The following EPB41L4A variants were observed in gnomAD, a reference collection of about 807,000 sequenced individuals.
EPB41L4A encodes the protein band 4.1-like protein 4A.
In EPB41L4A, 100 loss-of-function variants were observed where a neutral mutation model predicts 108.6. The observed-to-expected ratio is 0.92, with a 90% CI of 0.78 to 1.09. EPB41L4A has a LOEUF of 1.09. Ranked by LOEUF, EPB41L4A falls within the 50% of genes least tolerant of loss-of-function variation. The probability of loss-of-function intolerance (pLI) is 0.00; values close to 1 mark genes in which losing one functional copy is unlikely to be tolerated. For missense variants in EPB41L4A, 1,030 were observed against 842.7 expected (o/e 1.22, Z -2.75); for synonymous variants, 319 against 289.0 (o/e 1.10, Z -1.05).
At chr5:112,180,353 C>A (rs1465287393) in intron 18 of EPB41L4A, among the ~76,000 whole-genome samples, 1 of 152,028 alleles carries the variant, frequency 6.6e-6, no homozygotes, top group Non-Finnish European at 1.5e-5. Context: ...GCTACAGTAA[C>A]CGAGACAACA....
intron 1 of EPB41L4A, among the ~76,000 whole-genome samples, chr5:112,407,592 AT>A (rs1762144692): frequency 6.6e-6 from 1 of 152,340 alleles, no homozygotes; most frequent in South Asian, 2.1e-4. Flanking sequence ...TGACATTAAC[AT>A]CTTCACCTGT....
chr5:112,409,531 T>C (rs1163148068), intron 1 of EPB41L4A, among the ~76,000 whole-genome samples: 1 of 152,028 alleles, frequency 6.6e-6, no homozygotes, highest in East Asian at 1.9e-4. Context: ...AAATAAGAAA[T>C]TGAGGAGTCA....
At chr5:112,265,172 T>C (rs115122323) in intron 5 of EPB41L4A, among the ~76,000 whole-genome samples, 156 bp from the exon 6 acceptor site, 3,782 of 152,332 alleles carry the variant, frequency 0.025, 92 homozygotes, top group African/African-American at 0.067. Flanking sequence ...ACAAATCTGA[T>C]GAGCATATAC....
intron 1 of EPB41L4A, among the ~76,000 whole-genome samples, chr5:112,392,205 A>C (rs1289380235): frequency 1.3e-5 from 2 of 152,132 alleles, no homozygotes; most frequent in East Asian, 3.8e-4. Context: ...TAATGACAGA[A>C]TCAAATTCAC....
chr5:112,266,352 A>ATCGTTAATCTCTCTTTTT, intron 4 of EPB41L4A, 22 bp from the exon 5 acceptor site: 1 of 1,534,726 alleles, frequency 6.5e-7, no homozygotes, highest in Non-Finnish European at 8.9e-7. Context: ...ACAAAAAGAG[A>ATCGTTAATCTCTCTTTTT]GATTAACGAT....
At position 112,266,215 on chromosome 5, in the gene EPB41L4A, T is replaced by C. The variant is rs1256394163; in HGVS notation, c.433+18A>G. On this transcript the variant is annotated intron_variant, in intron 5 of 22. Transcript: ENST00000261486. ...TCTCCAGACATTTCTGAGGCAAATA[T>C]GCTTAAGTGGCACCTACACTGGATG... The C allele has an allele frequency of 1.3e-6, 2 of 1,559,908 alleles. No individual in the cohort carries two copies. Among genetic ancestry groups the C allele is most frequent in the Admixed American group, 2.0e-5 (1 of 51,160 alleles).
chr5:112,385,268 G>A lies in EPB41L4A; in HGVS notation c.99+33673C>T, dbSNP rs966831101. Reference sequence around the variant, plus strand: ...GCATAGCTGTATCAATTGGGGACCCGGAAAGAAACACATAGATTCAACTTG... The same window carrying A: ...GCATAGCTGTATCAATTGGGGACCCAGAAAGAAACACATAGATTCAACTTG... On this transcript the variant is annotated intron_variant, in intron 1 of 22. Transcript: ENST00000261486. Among the ~76,000 whole-genome samples the A allele has an allele frequency of 2.3e-4, 35 of 152,016 alleles. 1 individual carries two copies. The highest frequency in any genetic ancestry group is 7.0e-4 in the African/African-American group (29 of 41,376).
intron 1 of EPB41L4A, among the ~76,000 whole-genome samples, chr5:112,313,189 T>G (rs56734773): frequency 0.022 from 3,404 of 152,246 alleles, 136 homozygotes; most frequent in African/African-American, 0.077. Context: ...ACCAGCCTAT[T>G]AGAATCCCTG....
intron 1 of EPB41L4A, among the ~76,000 whole-genome samples, chr5:112,325,394 T>C (rs1021993792): frequency 7.6e-5 from 11 of 145,526 alleles, no homozygotes; most frequent in Admixed American, 4.2e-4. Context: ...TGAGCGGAGA[T>C]AGCGCCACTA....
At chr5:112,380,505 A>C (rs1760099518) in intron 1 of EPB41L4A, among the ~76,000 whole-genome samples, 1 of 152,130 alleles carries the variant, frequency 6.6e-6, no homozygotes, top group African/African-American at 2.4e-5. Context: ...TTTCTCATCC[A>C]TAATGCTACT....
intron 18 of EPB41L4A, among the ~76,000 whole-genome samples, chr5:112,174,791 T>C (rs1760777168): frequency 6.6e-6 from 1 of 152,242 alleles, no homozygotes; most frequent in Admixed American, 6.5e-5. Flanking sequence ...ATCTTTATAC[T>C]GATCACTCCT....
chr5:112,417,774 T>C (rs7725764), intron 1 of EPB41L4A, among the ~76,000 whole-genome samples: 15 of 152,226 alleles, frequency 9.9e-5, no homozygotes, highest in Non-Finnish European at 1.8e-4. Context: ...AACAATCTTG[T>C]AGCTTTAACT....
chr5:112,334,414 C>T (rs1019081442), intron 1 of EPB41L4A, among the ~76,000 whole-genome samples: 1 of 152,144 alleles, frequency 6.6e-6, no homozygotes, highest in African/African-American at 2.4e-5. Context: ...TTTTATATAT[C>T]TCAATAGGAA....
intron 17 of EPB41L4A, among the ~76,000 whole-genome samples, chr5:112,192,620 A>G (rs968197392): frequency 1.3e-5 from 2 of 152,210 alleles, no homozygotes; most frequent in East Asian, 3.8e-4. Flanking sequence ...TCCAGGAAAA[A>G]GGGGGAAGAA....
intron 3 of EPB41L4A, among the ~76,000 whole-genome samples, chr5:112,277,496 C>T (rs1269997008): frequency 2.6e-5 from 4 of 152,238 alleles, no homozygotes; most frequent in Middle Eastern, 3.4e-3. Flanking sequence ...GGTTACACTT[C>T]ATAATGTACG....
intron 12 of EPB41L4A, among the ~76,000 whole-genome samples, chr5:112,210,346 C>T (rs17134250): frequency 6.6e-6 from 1 of 151,934 alleles, no homozygotes. Context: ...TTGATGACTA[C>T]TTGTGAAGAA....
chr5:112,239,488 T>C (rs1437720368), intron 11 of EPB41L4A, 172 bp downstream of exon 11: 2 of 428,078 alleles, frequency 4.7e-6, no homozygotes, highest in Non-Finnish European at 8.3e-6. Context: ...TAATTAAATC[T>C]GGAAAATCAT....
intron 15 of EPB41L4A, 55 bp downstream of exon 15, chr5:112,204,320 T>C (rs1762360456): frequency 6.6e-6 from 8 of 1,215,166 alleles, no homozygotes; most frequent in South Asian, 2.4e-5. Context: ...AAGTCAGGCC[T>C]GGGACAAAAT....
rs528031482 is a variant in EPB41L4A at position 112,307,457 on chromosome 5, C to T, written c.133G>A (p.Val45Ile). The T allele has an allele frequency of 1.8e-5, 29 of 1,613,028 alleles. No homozygotes were observed. Among genetic ancestry groups the T allele is most frequent in the Middle Eastern group, 1.7e-4 (1 of 6,052 alleles). The change falls in exon 2 of 23, where the codon GTA becomes ATA. Residue 45 changes from valine to isoleucine, a missense_variant. By Grantham distance (29) the Val-to-Ile change is conservative (BLOSUM62 3). Coordinates refer to ENST00000261486, the MANE Select transcript of EPB41L4A (RefSeq NM_022140.5). ...STKGSVVLDH[V>I]FHHVNLVEID... is the part of the protein sequence containing the mutation. ...TCCACAAGGTTTACGTGATGGAATA[C>T]GTGGTCAAGGACAACGGAACCTTTC... is the stretch of plus-strand genomic sequence containing the variant.
Sources: gnomAD v4.1 joint callset for allele counts (sites outside exome capture counted in the v4.1 genomes callset) on GRCh38, gnomAD v4.1.1 for gene constraint, MANE v1.5 for transcripts, NCBI Gene and HGNC (gene_info 2026-07-23, HGNC 2026-07-21) for gene names.